Variants in NALF1 observed in about 807,000 individuals in gnomAD.
The protein encoded by NALF1 is NALCN channel auxiliary factor 1.
A neutral mutation model predicts 48.4 loss-of-function variants in NALF1; 3 were observed. That is an observed-to-expected ratio of 0.06 (90% CI 0.03 to 0.16). The LOEUF is 0.16. Among genes scored for constraint, NALF1 ranks in the 10% least tolerant of loss-of-function variants. The pLI is 1.00. For missense variants in NALF1, 526 were observed against 571.5 expected, an observed-to-expected ratio of 0.92 and a Z score of 0.81; for synonymous variants, 262 against 245.7, an observed-to-expected ratio of 1.07 and a Z score of -0.62.
At chr13:107,861,369 A>T (rs1880563259) in intron 1 of NALF1, among the ~76,000 whole-genome samples, 2 of 151,782 alleles carry the variant, frequency 1.3e-5, no homozygotes, top group South Asian at 4.2e-4. Context: ...CTATTTACAG[A>T]TGTGTACTCC....
intron 1 of NALF1, among the ~76,000 whole-genome samples, chr13:107,254,559 C>G (rs1345753145): frequency 6.6e-6 from 1 of 152,158 alleles, no homozygotes; most frequent in Non-Finnish European, 1.5e-5. Flanking sequence ...CCACAGCTGT[C>G]CAGGCTCACT....
At chr13:107,817,285 C>T (rs527466832) in intron 1 of NALF1, among the ~76,000 whole-genome samples, 3 of 152,216 alleles carry the variant, frequency 2.0e-5, no homozygotes, top group African/African-American at 7.2e-5. Context: ...GTGGTTTGCA[C>T]AAAATCACAC....
At chr13:107,767,745 T>C (rs1217267003) in intron 1 of NALF1, among the ~76,000 whole-genome samples, 4 of 152,172 alleles carry the variant, frequency 2.6e-5, no homozygotes, top group Non-Finnish European at 4.4e-5. Context: ...GACTTTATGG[T>C]CCATTATTTT....
chr13:107,724,764 A>G (rs1416184262), intron 1 of NALF1, among the ~76,000 whole-genome samples: 1 of 152,056 alleles, frequency 6.6e-6, no homozygotes, highest in Non-Finnish European at 1.5e-5. Flanking sequence ...TTTGTTTTGT[A>G]GAGACGGAGT....
At chr13:107,474,159 A>G (rs975582927) in intron 1 of NALF1, among the ~76,000 whole-genome samples, 1 of 152,184 alleles carries the variant, frequency 6.6e-6, no homozygotes, top group Non-Finnish European at 1.5e-5. Context: ...AAGGGACAGT[A>G]TAGGATAACA....
intron 1 of NALF1, among the ~76,000 whole-genome samples, chr13:107,681,478 A>G (rs1881301622): frequency 7.9e-6 from 1 of 126,562 alleles, no homozygotes; most frequent in African/African-American, 2.9e-5. Context: ...TTTCAGGGAG[A>G]AAAGTTTAAA....
intron 1 of NALF1, among the ~76,000 whole-genome samples, chr13:107,624,534 A>G (rs923945160): frequency 5.9e-5 from 9 of 152,176 alleles, no homozygotes; most frequent in Admixed American, 5.9e-4. Flanking sequence ...ACAGATTTTT[A>G]AAGGACAGCA....
At chr13:107,683,138 C>T (rs1485380355) in intron 1 of NALF1, among the ~76,000 whole-genome samples, 1 of 151,958 alleles carries the variant, frequency 6.6e-6, no homozygotes, top group African/African-American at 2.4e-5. Flanking sequence ...TAGAGTGCAC[C>T]TGTGGTCCTA....
At chr13:107,841,326 G>A (rs560570993) in intron 1 of NALF1, among the ~76,000 whole-genome samples, 15 of 152,156 alleles carry the variant, frequency 9.9e-5, no homozygotes, top group South Asian at 6.2e-4. Context: ...CAGCCCTCTC[G>A]CTATGTGTGC....
At chr13:107,223,939 G>T (rs953470504) in intron 1 of NALF1, among the ~76,000 whole-genome samples, 2 of 152,058 alleles carry the variant, frequency 1.3e-5, no homozygotes, top group African/African-American at 4.8e-5. Context: ...TCTTTATCCT[G>T]AGCTAAACAT....
intron 1 of NALF1, among the ~76,000 whole-genome samples, chr13:107,537,378 A>C (rs573165784): frequency 8.5e-5 from 13 of 152,286 alleles, no homozygotes; most frequent in African/African-American, 3.1e-4. Flanking sequence ...CTTTACTAAT[A>C]TAACTTTTTA....
chr13:107,561,259 G>C (rs1169907930), intron 1 of NALF1, among the ~76,000 whole-genome samples: 1 of 152,118 alleles, frequency 6.6e-6, no homozygotes, highest in Non-Finnish European at 1.5e-5. Flanking sequence ...TCGAGTCCAG[G>C]CTCACATGTT....
intron 1 of NALF1, among the ~76,000 whole-genome samples, chr13:107,684,118 T>C (rs962815311): frequency 3.3e-5 from 5 of 152,220 alleles, no homozygotes; most frequent in African/African-American, 1.2e-4. Flanking sequence ...ACCAGCCATC[T>C]GTGGCTCCCA....
intron 1 of NALF1, among the ~76,000 whole-genome samples, chr13:107,296,357 AATTTGTTCACAG>A (rs1488170858): frequency 6.6e-6 from 1 of 152,168 alleles, no homozygotes; most frequent in Non-Finnish European, 1.5e-5. Context: ...GTTATAGTTA[AATTTGTTCACAG>A]CTTATTTTTG....
chr13:107,723,208 T>A (rs1239090688), intron 1 of NALF1, among the ~76,000 whole-genome samples: 1 of 152,164 alleles, frequency 6.6e-6, no homozygotes. Flanking sequence ...AATCCCTTGC[T>A]GCTTTTGTGG....
chr13:107,291,637 C>T (rs1325099068), intron 1 of NALF1, among the ~76,000 whole-genome samples: 3 of 152,042 alleles, frequency 2.0e-5, no homozygotes, highest in Non-Finnish European at 4.4e-5. Flanking sequence ...AAGGGATATT[C>T]AACCTGTAAT....
chr13:107,796,880 A>G (rs1178349475), intron 1 of NALF1, among the ~76,000 whole-genome samples: 2 of 152,124 alleles, frequency 1.3e-5, no homozygotes, highest in African/African-American at 4.8e-5. Context: ...CCTCTGGCAC[A>G]CTCATACTCT....
intron 1 of NALF1, among the ~76,000 whole-genome samples, chr13:107,774,166 T>C (rs538944026): frequency 1.3e-5 from 2 of 152,340 alleles, no homozygotes; most frequent in African/African-American, 4.8e-5. Context: ...AGAAGACTGA[T>C]ACATGGCAGC....
chr13:107,811,975 C>T, intron 1 of NALF1, among the ~76,000 whole-genome samples: 1 of 152,120 alleles, frequency 6.6e-6, no homozygotes, highest in Non-Finnish European at 1.5e-5. Flanking sequence ...TTTATCATAA[C>T]AGTTAAAATT....
Sources: allele counts gnomAD v4.1 joint callset (sites outside exome capture counted in the v4.1 genomes callset), GRCh38; gene constraint gnomAD v4.1.1; transcripts MANE v1.5; gene names NCBI Gene and HGNC (gene_info 2026-07-23, HGNC 2026-07-21).